Variants in USP18 observed in about 807,000 individuals in gnomAD.
USP18 encodes ubl carboxyl-terminal hydrolase 18.
USP18 carries 11 observed loss-of-function variants against 48.7 expected under a neutral mutation model. That is an observed-to-expected ratio of 0.23 (90% CI 0.14 to 0.37). USP18 has a LOEUF of 0.37. Among genes scored for constraint, USP18 ranks in the 10% least tolerant of loss-of-function variants. The probability of loss-of-function intolerance (pLI) is 1.00; values close to 1 mark genes in which losing one functional copy is unlikely to be tolerated. For missense variants in USP18, 285 were observed against 436.4 expected (o/e 0.65, Z 3.09); for synonymous variants, 114 against 163.2 (o/e 0.70, Z 2.30).
chr22:18,166,630 C>T lies in USP18; in HGVS notation c.401-625C>T, dbSNP rs558586516. Among the ~76,000 whole-genome samples, 322 of 152,140 alleles carry T rather than the reference C, an allele frequency of 2.1e-3. 2 individuals carry two copies. The highest frequency in any genetic ancestry group is 7.4e-3 in the African/African-American group (308 of 41,470). On this transcript the variant is annotated intron_variant, in intron 4 of 10. Coordinates refer to ENST00000215794, the MANE Select transcript of USP18 (RefSeq NM_017414.4). ...TCTGGGCAGTTCATGATTCTGTATT[C>T]GCCTTCATTGCTTTCTTGCATGTGG...
At chr22:18,150,813 G>A (rs2123723031) in intron 1 of USP18, among the ~76,000 whole-genome samples, 1 of 152,324 alleles carries the variant, frequency 6.6e-6, no homozygotes, top group Admixed American at 6.5e-5. Flanking sequence ...TTAGCCTGGC[G>A]TGGTGGCGCA....
intron 8 of USP18, among the ~76,000 whole-genome samples, chr22:18,172,175 C>T (rs1221538303): frequency 6.6e-6 from 1 of 152,220 alleles, no homozygotes; most frequent in East Asian, 1.9e-4. Flanking sequence ...AAGAGTTAGA[C>T]AGTGAATCCT....
At chr22:18,156,926 T>C (rs1929168540) in intron 1 of USP18, among the ~76,000 whole-genome samples, 1 of 151,302 alleles carries the variant, frequency 6.6e-6, no homozygotes, top group Non-Finnish European at 1.5e-5. Context: ...AAGCAAACAG[T>C]GTCTCTCTTC....
At chr22:18,154,418 C>T (rs1474012533) in intron 1 of USP18, among the ~76,000 whole-genome samples, 9 of 152,054 alleles carry the variant, frequency 5.9e-5, no homozygotes, top group East Asian at 1.9e-4. Flanking sequence ...AATAGTGCTT[C>T]GATGTTACCC....
At chr22:18,174,825 G>C (rs1202909034) in intron 10 of USP18, among the ~76,000 whole-genome samples, 7 of 152,120 alleles carry the variant, frequency 4.6e-5, no homozygotes, top group Non-Finnish European at 8.8e-5. Context: ...CAAACTGCTG[G>C]GCTCAAGCCA....
intron 10 of USP18, among the ~76,000 whole-genome samples, chr22:18,175,148 C>T (rs1490080431): frequency 2.0e-5 from 3 of 152,130 alleles, no homozygotes; most frequent in Admixed American, 6.5e-5. Context: ...CTCCTGACCT[C>T]GTGATCCGCC....
chr22:18,169,971 C>T, intron 7 of USP18, 32 bp downstream of exon 7: 2 of 1,553,070 alleles, frequency 1.3e-6, no homozygotes, highest in Non-Finnish European at 1.7e-6. Flanking sequence ...CTCAGCTGTC[C>T]CTCGGTGCAT....
intron 4 of USP18, among the ~76,000 whole-genome samples, chr22:18,164,302 G>A (rs559675988): frequency 1.3e-5 from 2 of 151,882 alleles, no homozygotes; most frequent in East Asian, 1.9e-4. Flanking sequence ...AGTAGGAGCC[G>A]GGCCTTTTTG....
At chr22:18,164,569 T>G (rs1929423700) in intron 4 of USP18, among the ~76,000 whole-genome samples, 1 of 151,506 alleles carries the variant, frequency 6.6e-6, no homozygotes, top group Non-Finnish European at 1.5e-5. Context: ...CCTGCCTCAT[T>G]GGCTCCAGGT....
chr22:18,173,078 G>A, intron 8 of USP18, 72 bp from the exon 9 acceptor site: 1 of 1,604,182 alleles, frequency 6.2e-7, no homozygotes, highest in East Asian at 2.3e-5. Flanking sequence ...GCCTAGTGTG[G>A]GCAGGTATAA....
Position 18,157,824 on chromosome 22 carries a change from A to G in USP18, c.157+4A>G. On this transcript the variant is annotated splice_donor_region_variant and intron_variant, in intron 2 of 10. Transcript: ENST00000215794. ...AGGGCCTGGGACTACCCTCATGGTCATTAGACCCCTCCCGTTTTCCTCTTC... is the reference window on the plus strand; with the variant it reads ...AGGGCCTGGGACTACCCTCATGGTCGTTAGACCCCTCCCGTTTTCCTCTTC... 1.2e-6 allele frequency: 2 copies of G among 1,613,952 alleles called. No individual in the cohort carries two copies. Among genetic ancestry groups the G allele is most frequent in the Non-Finnish European group, 1.7e-6 (2 of 1,179,928 alleles).
At chr22:18,156,686 C>T (rs948646371) in intron 1 of USP18, among the ~76,000 whole-genome samples, 1 of 152,262 alleles carries the variant, frequency 6.6e-6, no homozygotes, top group Non-Finnish European at 1.5e-5. Flanking sequence ...CCGCGAAGGT[C>T]TGCAGCTTCA....
At chr22:18,175,826 T>G (rs1314121775) in intron 10 of USP18, among the ~76,000 whole-genome samples, 1 of 149,790 alleles carries the variant, frequency 6.7e-6, no homozygotes, top group Non-Finnish European at 1.5e-5. Context: ...AAATAAAAAT[T>G]ATTATAGCTA....
At chr22:18,175,982 C>T (rs1335670901) in intron 10 of USP18, among the ~76,000 whole-genome samples, 2 of 133,016 alleles carry the variant, frequency 1.5e-5, no homozygotes, top group African/African-American at 3.1e-5. Flanking sequence ...AGAACGGTCT[C>T]GTCAAAAAAT....
At chr22:18,172,999 C>T (rs1929676830) in intron 8 of USP18, 151 bp from the exon 9 acceptor site, 6 of 1,441,252 alleles carry the variant, frequency 4.2e-6, no homozygotes, top group Non-Finnish European at 3.7e-6. Context: ...TCGGGAAAGC[C>T]CCTCCTGGAG....
intron 10 of USP18, among the ~76,000 whole-genome samples, chr22:18,175,651 A>G (rs1602535751): frequency 6.7e-6 from 1 of 148,722 alleles, no homozygotes; most frequent in Non-Finnish European, 1.5e-5. Context: ...GCAGATGAGC[A>G]TGGCTGGGGT....
intron 8 of USP18, among the ~76,000 whole-genome samples, chr22:18,172,719 A>AC (rs537163104): frequency 1.1e-3 from 159 of 151,222 alleles, no homozygotes; most frequent in African/African-American, 3.6e-3. Context: ...TTCAGCCTCC[A>AC]CTGTGGGTGA....
At chr22:18,170,422 G>T (rs1425162816) in intron 7 of USP18, among the ~76,000 whole-genome samples, 1 of 152,232 alleles carries the variant, frequency 6.6e-6, no homozygotes, top group African/African-American at 2.4e-5. Context: ...CACTGAGAGG[G>T]ACTGCAGGAG....
chr22:18,168,692 A>C (rs1439224542), intron 6 of USP18, among the ~76,000 whole-genome samples: 1 of 151,926 alleles, frequency 6.6e-6, no homozygotes, highest in Non-Finnish European at 1.5e-5. Flanking sequence ...CTCCCCAATT[A>C]TCTCTCAAAG....
Sources: allele counts gnomAD v4.1 joint callset (sites outside exome capture counted in the v4.1 genomes callset), GRCh38; gene constraint gnomAD v4.1.1; transcripts MANE v1.5; gene names NCBI Gene and HGNC (gene_info 2026-07-23, HGNC 2026-07-21).